EFR3B: variants seen among roughly 807,000 people sequenced by gnomAD.
EFR3B encodes the protein EFR3 homolog B, also known as protein EFR3 homolog B.
Under a neutral mutation model 104.7 loss-of-function variants are expected in EFR3B, and 64 were observed. That is an observed-to-expected ratio of 0.61 (90% CI 0.50 to 0.75). The LOEUF (loss-of-function observed/expected upper bound fraction) is 0.75. Ranked by LOEUF, EFR3B falls within the 30% of genes least tolerant of loss-of-function variation. EFR3B has a pLI of 0.00. For synonymous variants in EFR3B, 385 were observed against 417.9 expected, an observed-to-expected ratio of 0.92 and a Z score of 0.96; for missense variants, 750 against 1,078.5, an observed-to-expected ratio of 0.70 and a Z score of 4.27.
chr2:25,124,312 G>C (rs139880711), intron 5 of EFR3B, among the ~76,000 whole-genome samples: 25,503 of 145,112 alleles, frequency 0.18, 2,581 homozygotes, highest in South Asian at 0.28. Flanking sequence ...GTGTGTGTGT[G>C]TGTGTGTGTG....
chr2:25,139,052 G>C lies in EFR3B; in HGVS notation c.1723-7G>C, dbSNP rs1670592210. The stretch of plus-strand genomic sequence containing the variant: ...AAACTCCGGAGGCCTTGTCTATGTT[G>C]CCGCAGGACGTGGCCCAAGTCAATG... On this transcript the variant is annotated splice_polypyrimidine_tract_variant and splice_region_variant and intron_variant, in intron 15 of 22. Coordinates refer to ENST00000403714, the MANE Select transcript of EFR3B (RefSeq NM_014971.2). 2 of 1,551,636 alleles carry C rather than the reference G, an allele frequency of 1.3e-6. No homozygotes were observed. The highest frequency in any genetic ancestry group is 1.7e-4 in the Middle Eastern group (1 of 5,992).
Position 25,114,359 on chromosome 2 carries a change from C to A in EFR3B, c.364-7314C>A, listed in dbSNP as rs1442102892. On this transcript the variant is annotated intron_variant, in intron 4 of 22. Transcript: ENST00000403714. This position sits in a 1 kb window ranked among gnomAD's most constrained non-coding sequence, Gnocchi z 4.0. ...TACTTCCAGCCTCAGGGAAGGGAAG[C>A]ATCTCCCCACAAGCTGTCAAACCAA... Among the ~76,000 whole-genome samples, 1 of 152,186 alleles carries A rather than the reference C, an allele frequency of 6.6e-6. No homozygotes were observed. Among genetic ancestry groups the A allele is most frequent in the Non-Finnish European group, 1.5e-5 (1 of 68,026 alleles).
At chr2:25,153,290 G>A (rs769864046) in intron 21 of EFR3B, among the ~76,000 whole-genome samples, 1 of 152,080 alleles carries the variant, frequency 6.6e-6, no homozygotes, top group African/African-American at 2.4e-5. Context: ...GGAGGTAGAG[G>A]TTGCAGTGAG....
At chr2:25,099,907 A>G (rs1669384213) in intron 3 of EFR3B, among the ~76,000 whole-genome samples, 1 of 151,932 alleles carries the variant, frequency 6.6e-6, no homozygotes. Flanking sequence ...TAGCTAATAA[A>G]GAATTTTTAA....
rs577744392 is a variant in EFR3B, at chr2:25,069,898, C to T, written c.8-21427C>T. Among the ~76,000 whole-genome samples the T allele has an allele frequency of 5.3e-5, 8 of 152,252 alleles. No homozygotes were observed. The East Asian group carries it at 1.5e-3, about 29-fold the overall frequency. ...ATTTTCAGTAGAGACGGGGTTTCAC[C>T]GTGTTAGCCAGGATGGTCTCAATCT... On this transcript the variant is annotated intron_variant, in intron 1 of 22. Transcript: ENST00000403714.
rs527307994 is a variant in EFR3B, at chr2:25,154,133, T to C, written c.2349-102T>C. 18 of 1,029,818 alleles carry C rather than the reference T, an allele frequency of 1.7e-5. No individual in the cohort carries two copies. The South Asian group carries it at 2.7e-4, about 16-fold the overall frequency. The allele number at this position is 1,029,818 out of a possible 1,614,324, so 63.8% of individuals were successfully genotyped here. ...GGAATGAAGGGGTCTCTGGTGCCTG[T>C]GCAAAAAGAAACCCAAGTCACCTAC... On this transcript the variant is annotated intron_variant, in intron 22 of 22. Transcript: ENST00000403714. This position sits in a 1 kb window ranked among gnomAD's most constrained non-coding sequence, Gnocchi z 4.1.
At chr2:25,095,855 A>G (rs918564470) in intron 3 of EFR3B, among the ~76,000 whole-genome samples, 3 of 152,190 alleles carry the variant, frequency 2.0e-5, no homozygotes, top group Non-Finnish European at 2.9e-5. Context: ...AATAAAAAAC[A>G]TGAACTGCAG....
At chr2:25,139,475 G>A (rs985103763) in intron 16 of EFR3B, among the ~76,000 whole-genome samples, 2 of 149,536 alleles carry the variant, frequency 1.3e-5, no homozygotes, top group Non-Finnish European at 2.9e-5. Context: ...CCCTACTCAC[G>A]GGAGCACACC....
chr2:25,143,281 G>T (rs1670725273), intron 17 of EFR3B, among the ~76,000 whole-genome samples: 2 of 152,184 alleles, frequency 1.3e-5, no homozygotes, highest in African/African-American at 4.8e-5. Flanking sequence ...AAAATGAATA[G>T]TGGTTATCTC....
intron 5 of EFR3B, among the ~76,000 whole-genome samples, chr2:25,125,334 G>A (rs544215309): frequency 4.6e-5 from 7 of 152,336 alleles, no homozygotes; most frequent in Admixed American, 2.0e-4. Context: ...CCACTTGGAC[G>A]GGACAAACGA....
In EFR3B at chr2:25,103,798, G is replaced by GC; in HGVS notation, c.363+14dup. 1 of 1,550,772 alleles carries GC rather than the reference G, an allele frequency of 6.4e-7. No homozygotes were observed. On this transcript the variant is annotated intron_variant, in intron 4 of 22. Transcript: ENST00000403714. ...CTCGGCACCAACTCGGTAAGGAGCG[G>GC]CCCAGGGGGCTCCAGGTCTCCCAGC...
At position 25,053,838 on chromosome 2, in the gene EFR3B, C is replaced by T. The variant is rs190285078; in HGVS notation, c.7+11519C>T. Among the ~76,000 whole-genome samples, 826 of 152,292 alleles carry T rather than the reference C, an allele frequency of 5.4e-3. 4 individuals carry two copies. Among genetic ancestry groups the T allele is most frequent in the South Asian group, 0.013 (62 of 4,812 alleles). ...AGGAGAATCGCTTGAATCTGGGAGG[C>T]AGAGGTTGCAGTGAGCCAAGATCGC... On this transcript the variant is annotated intron_variant, in intron 1 of 22. Coordinates refer to ENST00000403714, the MANE Select transcript of EFR3B (RefSeq NM_014971.2).
chr2:25,123,341 C>T (rs1001722615), intron 5 of EFR3B, among the ~76,000 whole-genome samples: 13 of 148,484 alleles, frequency 8.8e-5, no homozygotes, highest in African/African-American at 2.5e-4. Context: ...GCCTGGGTGA[C>T]GGAGTGAGAC....
At position 25,097,074 on chromosome 2, in the gene EFR3B, C is replaced by T. The variant is rs548819271; in HGVS notation, c.212+3944C>T. On this transcript the variant is annotated intron_variant, in intron 3 of 22. Coordinates refer to ENST00000403714, the MANE Select transcript of EFR3B (RefSeq NM_014971.2). The stretch of plus-strand genomic sequence containing the variant: ...CTAATATGCTAGCTCCAACATTAAA[C>T]ATTTAATACTAATTTCACTGGCTGT... Among the ~76,000 whole-genome samples the T allele has an allele frequency of 3.9e-5, 6 of 152,282 alleles. 1 individual carries two copies. In the South Asian group the frequency reaches 1.2e-3, roughly 32 times the overall value.
At chr2:25,149,648 T>G (rs1171892278) in intron 19 of EFR3B, 46 bp from the exon 20 acceptor site, 39 of 1,546,152 alleles carry the variant, frequency 2.5e-5, no homozygotes, top group Non-Finnish European at 3.4e-5. Context: ...CTGCCTCCTT[T>G]CTCTGCCCCC....
At chr2:25,143,381 G>A (rs1195352113) in intron 17 of EFR3B, among the ~76,000 whole-genome samples, 2 of 152,110 alleles carry the variant, frequency 1.3e-5, no homozygotes, top group East Asian at 1.9e-4. Flanking sequence ...AAAGTTGGCC[G>A]GGCATGGTGG....
At chr2:25,058,765 C>G (rs1346541447) in intron 1 of EFR3B, among the ~76,000 whole-genome samples, 4 of 117,452 alleles carry the variant, frequency 3.4e-5, no homozygotes, top group African/African-American at 1.2e-4. Flanking sequence ...TCTCCCCGCG[C>G]CCCCCCCCCC....
intron 4 of EFR3B, among the ~76,000 whole-genome samples, chr2:25,106,518 C>G (rs1669568814): frequency 6.8e-6 from 1 of 147,640 alleles, no homozygotes. Context: ...AATGCAGTGG[C>G]ACAATCTTGG....
chr2:25,148,210 G>A (rs1670878025), intron 19 of EFR3B, among the ~76,000 whole-genome samples: 1 of 151,310 alleles, frequency 6.6e-6, no homozygotes, highest in African/African-American at 2.4e-5. Context: ...GACTGAGTGG[G>A]GTAACTCCTT....
Sources: gnomAD v4.1 joint callset for allele counts (sites outside exome capture counted in the v4.1 genomes callset) on GRCh38, gnomAD v4.1.1 for gene constraint, Gnocchi (gnomAD v3.1) non-coding constraint, MANE v1.5 for transcripts, NCBI Gene and HGNC (gene_info 2026-07-23, HGNC 2026-07-21) for gene names.